Variants in PDE3B observed in about 807,000 individuals in gnomAD.
The protein encoded by PDE3B is phosphodiesterase 3B, also known as cGMP-inhibited 3',5'-cyclic phosphodiesterase 3B.
PDE3B carries 66 observed loss-of-function variants against 116.8 expected under a neutral mutation model. The observed-to-expected ratio is 0.56, with a 90% confidence interval of 0.46 to 0.69. The LOEUF (loss-of-function observed/expected upper bound fraction) is 0.69. Among genes scored for constraint, PDE3B ranks in the 30% least tolerant of loss-of-function variants. The pLI is 0.00. For synonymous variants in PDE3B, 595 were observed against 533.6 expected (o/e 1.12, Z -1.59); for missense variants, 1,384 against 1,368.1 (o/e 1.01, Z -0.18).
At chr11:14,681,907 T>G (rs1028036117) in intron 1 of PDE3B, among the ~76,000 whole-genome samples, 3 of 152,150 alleles carry the variant, frequency 2.0e-5, no homozygotes, top group African/African-American at 7.2e-5. Context: ...CAAATAACTT[T>G]TGACTCCCCC....
intron 1 of PDE3B, among the ~76,000 whole-genome samples, chr11:14,671,333 A>G (rs1440833961): frequency 6.6e-6 from 1 of 152,112 alleles, no homozygotes; most frequent in Non-Finnish European, 1.5e-5. Context: ...AATGTTGAGA[A>G]GGAGCTGGTT....
At chr11:14,740,231 T>C (rs1395318527) in intron 1 of PDE3B, among the ~76,000 whole-genome samples, 2 of 152,214 alleles carry the variant, frequency 1.3e-5, no homozygotes, top group Non-Finnish European at 2.9e-5. Flanking sequence ...TGTCTGGTCC[T>C]GGACTTTTTT....
chr11:14,808,059 CAAAAAAA>C (rs765095329), intron 5 of PDE3B, among the ~76,000 whole-genome samples: 1 of 67,386 alleles, frequency 1.5e-5, no homozygotes, highest in Non-Finnish European at 3.0e-5. Flanking sequence ...GCCTTCGTCT[CAAAAAAA>C]AAAAAAAAAA....
chr11:14,880,307 C>T, the PDE3B span: 2 of 1,613,202 alleles, frequency 1.2e-6, no homozygotes, highest in Non-Finnish European at 1.7e-6. Context: ...TAAGCATCAA[C>T]AAAATGCTGA....
chr11:14,837,831 G>C (rs1202316634), intron 11 of PDE3B, among the ~76,000 whole-genome samples: 1 of 152,104 alleles, frequency 6.6e-6, no homozygotes, highest in Non-Finnish European at 1.5e-5. Context: ...AAGACAAGAA[G>C]GACCATGGGA....
chr11:14,655,773 TA>T (rs951398429), intron 1 of PDE3B, among the ~76,000 whole-genome samples: 3 of 152,208 alleles, frequency 2.0e-5, no homozygotes, highest in Admixed American at 6.5e-5. Flanking sequence ...TTGAGACTGG[TA>T]AACCATGTGA....
chr11:14,703,803 T>C (rs1855445824), intron 1 of PDE3B, among the ~76,000 whole-genome samples: 1 of 151,620 alleles, frequency 6.6e-6, no homozygotes, highest in Non-Finnish European at 1.5e-5. Context: ...ACATTCCTTC[T>C]TACTAGTTTA....
intron 1 of PDE3B, among the ~76,000 whole-genome samples, chr11:14,685,703 G>A (rs1045873863): frequency 5.3e-5 from 8 of 151,858 alleles, no homozygotes; most frequent in African/African-American, 7.3e-5. Flanking sequence ...TGATCCACGC[G>A]CCTTGACCTC....
intron 1 of PDE3B, among the ~76,000 whole-genome samples, chr11:14,655,189 G>A (rs138832087): frequency 0.012 from 1,761 of 152,016 alleles, 19 homozygotes; most frequent in Non-Finnish European, 0.02. Context: ...AATAAAACTG[G>A]TAATATTAAT....
intron 1 of PDE3B, among the ~76,000 whole-genome samples, chr11:14,691,860 A>G (rs909451965): frequency 6.6e-6 from 1 of 152,202 alleles, no homozygotes; most frequent in Non-Finnish European, 1.5e-5. Flanking sequence ...TTGTCAGTGT[A>G]TTTAGAAAAC....
intron 1 of PDE3B, among the ~76,000 whole-genome samples, chr11:14,723,577 G>A (rs1253443295): frequency 9.2e-5 from 14 of 151,836 alleles, no homozygotes; most frequent in Admixed American, 9.2e-4. Context: ...AATATAGTGA[G>A]ACCCTGCTGC....
chr11:14,647,017 T>C (rs979859766), intron 1 of PDE3B, among the ~76,000 whole-genome samples: 1 of 152,084 alleles, frequency 6.6e-6, no homozygotes, highest in Admixed American at 6.5e-5. Flanking sequence ...TAGAAAAGGG[T>C]ATTTTTAACT....
At chr11:14,758,404 A>G (rs1334768493) in intron 1 of PDE3B, among the ~76,000 whole-genome samples, 3 of 138,472 alleles carry the variant, frequency 2.2e-5, no homozygotes, top group African/African-American at 8.3e-5. Flanking sequence ...CAGTATGGCC[A>G]TTTTCACGAT....
the PDE3B span, among the ~76,000 whole-genome samples, chr11:14,884,510 C>T: frequency 1.6e-5 from 2 of 126,038 alleles, no homozygotes; most frequent in South Asian, 4.9e-4. Flanking sequence ...GGAAGGGGAA[C>T]ATCACACTCT....
chr11:14,659,154 A>G (rs1379281958), intron 1 of PDE3B, among the ~76,000 whole-genome samples: 1 of 152,198 alleles, frequency 6.6e-6, no homozygotes, highest in Non-Finnish European at 1.5e-5. Flanking sequence ...GAATGTTGCA[A>G]GTTGGGAGAA....
rs564667347 is a variant in PDE3B at position 14,783,615 on chromosome 11, G to T, written c.1030-2822G>T. ...CACACACCGGGGCTTGTAGTGGGGT[G>T]GGGGAGTGGGGAGGGATAGCTAGCA... On this transcript the variant is annotated intron_variant, in intron 2 of 15. Transcript: ENST00000282096. Among the ~76,000 whole-genome samples, 33 of 152,246 alleles carry T rather than the reference G, an allele frequency of 2.2e-4. No homozygotes were observed. The South Asian group carries it at 6.0e-3, about 28-fold the overall frequency.
At chr11:14,880,320 T>C in the PDE3B span, 12 of 1,613,310 alleles carry the variant, frequency 7.4e-6, no homozygotes, top group East Asian at 2.5e-4. Flanking sequence ...AATGCTGAGG[T>C]AGCTGAGGCT....
chr11:14,881,130 T>A, the PDE3B span, among the ~76,000 whole-genome samples: 1 of 152,102 alleles, frequency 6.6e-6, no homozygotes, highest in Admixed American at 6.6e-5. Context: ...CAAAGTTTTA[T>A]CTTAGACTAA....
the PDE3B span, chr11:14,880,166 G>C: frequency 6.2e-7 from 1 of 1,612,742 alleles, no homozygotes; most frequent in Non-Finnish European, 8.5e-7. Flanking sequence ...GCCATGAAAA[G>C]AATCGCCCAC....
Sources: gnomAD v4.1 joint callset for allele counts (sites outside exome capture counted in the v4.1 genomes callset) on GRCh38, gnomAD v4.1.1 for gene constraint, MANE v1.5 for transcripts, NCBI Gene and HGNC (gene_info 2026-07-23, HGNC 2026-07-21) for gene names.